Variants in SMCO2 observed in about 807,000 individuals in gnomAD.
SMCO2 encodes the protein single-pass membrane and coiled-coil domain-containing protein 2.
A neutral mutation model predicts 29.5 loss-of-function variants in SMCO2; 25 were observed. That is an observed-to-expected ratio of 0.85 (90% CI 0.62 to 1.18). The LOEUF (loss-of-function observed/expected upper bound fraction) is 1.18, where lower values mean the gene tolerates loss of function less well. Among genes scored for constraint, SMCO2 ranks in the 50% most tolerant of loss-of-function variants. The probability of loss-of-function intolerance (pLI) is 0.00; values close to 1 mark genes in which losing one functional copy is unlikely to be tolerated. For synonymous variants in SMCO2, 117 were observed against 123.3 expected, an observed-to-expected ratio of 0.95 and a Z score of 0.34; for missense variants, 348 against 344.5, an observed-to-expected ratio of 1.01 and a Z score of -0.08.
At chr12:27,447,185 A>G in the SMCO2 span, among the ~76,000 whole-genome samples, 1 of 152,040 alleles carries the variant, frequency 6.6e-6, no homozygotes, top group Admixed American at 6.6e-5. Flanking sequence ...GCCCTGTATG[A>G]TGGGTTTCCA....
Position 27,491,562 on chromosome 12 carries a change from C to T in SMCO2, c.451-2738C>T, listed in dbSNP as rs185727521. Among the ~76,000 whole-genome samples, 7 of 152,244 alleles carry T rather than the reference C, an allele frequency of 4.6e-5. No individual in the cohort carries two copies. In the East Asian group the frequency reaches 1.3e-3, roughly 29 times the overall value. On this transcript the variant is annotated intron_variant, in intron 5 of 7. Transcript: ENST00000298876. Reference sequence around the variant, plus strand: ...ATAAACGTGTTAAAAAATAGCTATACTGTATATTCTCTAATTCACCTATAA... The same window carrying T: ...ATAAACGTGTTAAAAAATAGCTATATTGTATATTCTCTAATTCACCTATAA...
At chr12:27,457,074 C>G in the SMCO2 span, among the ~76,000 whole-genome samples, 1 of 152,078 alleles carries the variant, frequency 6.6e-6, no homozygotes, top group Non-Finnish European at 1.5e-5. Flanking sequence ...TTGTCTTTCA[C>G]GAAACTGGTC....
the SMCO2 span, among the ~76,000 whole-genome samples, chr12:27,460,460 AAAG>A: frequency 4.7e-4 from 72 of 152,336 alleles, no homozygotes; most frequent in African/African-American, 1.7e-3. Flanking sequence ...AAGCTAGTGA[AAAG>A]AAAATGTCAT....
At chr12:27,499,270 G>A (rs761271495) in intron 7 of SMCO2, among the ~76,000 whole-genome samples, 5 of 150,898 alleles carry the variant, frequency 3.3e-5, no homozygotes, top group Non-Finnish European at 5.9e-5. Context: ...AAAGAATGAT[G>A]TACTGATACA....
chr12:27,456,463 G>A, the SMCO2 span, among the ~76,000 whole-genome samples: 1 of 152,068 alleles, frequency 6.6e-6, no homozygotes, highest in Non-Finnish European at 1.5e-5. Context: ...TCGGCAGAGG[G>A]GGGAGGAATG....
chr12:27,494,361 G>C lies in SMCO2; in HGVS notation c.507+5G>C. 6.6e-7 allele frequency: 1 copy of C among 1,516,896 alleles called. No individual in the cohort carries two copies. Among genetic ancestry groups the C allele is most frequent in the African/African-American group, 1.4e-5 (1 of 71,194 alleles). 94.0% of individuals were successfully genotyped at this position (1,516,896 alleles called of 1,614,324 possible). A position where few individuals can be genotyped will look rare whatever the true frequency, so the allele number is the denominator to read the frequency against. Reference sequence around the variant, plus strand: ...AAAGTCATAGAAAGGCTGGAGGTAAGATTTCAGTTACACAATTCAAACAAT... The same window carrying C: ...AAAGTCATAGAAAGGCTGGAGGTAACATTTCAGTTACACAATTCAAACAAT... On this transcript the variant is annotated splice_donor_5th_base_variant and intron_variant, in intron 6 of 7. Coordinates refer to ENST00000298876, the Ensembl canonical transcript of SMCO2.
chr12:27,483,359 G>C (rs1187137338), intron 4 of SMCO2, among the ~76,000 whole-genome samples: 1 of 152,074 alleles, frequency 6.6e-6, no homozygotes, highest in Non-Finnish European at 1.5e-5. Flanking sequence ...TGTTAGGACT[G>C]TTATGTCTTT....
chr12:27,481,758 A>G (rs1949645142), intron 4 of SMCO2, among the ~76,000 whole-genome samples: 2 of 152,346 alleles, frequency 1.3e-5, no homozygotes, highest in East Asian at 3.9e-4. Context: ...TGCCCATTTT[A>G]TCAAAGTTGT....
At chr12:27,488,627 G>A (rs1192010233) in intron 5 of SMCO2, 80 bp downstream of exon 6, 2 of 1,048,124 alleles carry the variant, frequency 1.9e-6, no homozygotes, top group African/African-American at 3.4e-5. Context: ...ATTGTTAATA[G>A]GCAATAACAA....
the SMCO2 span, among the ~76,000 whole-genome samples, chr12:27,443,580 CT>C: frequency 6.6e-6 from 1 of 152,134 alleles, no homozygotes. Context: ...TCAAATGAGC[CT>C]TGTTTGCACA....
At chr12:27,498,579 T>A in intron 7 of SMCO2, 2 of 234,658 alleles carry the variant, frequency 8.5e-6, no homozygotes. Context: ...ATAAAACCTG[T>A]CCAAAGGATG....
intron 4 of SMCO2, among the ~76,000 whole-genome samples, chr12:27,482,426 G>A (rs1320258680): frequency 8.5e-5 from 13 of 152,134 alleles, no homozygotes; most frequent in African/African-American, 2.7e-4. Flanking sequence ...TCAGCCTCTC[G>A]AGCAGCTGGG....
the SMCO2 span, among the ~76,000 whole-genome samples, chr12:27,442,993 A>G: frequency 4.6e-5 from 7 of 152,242 alleles, no homozygotes; most frequent in Admixed American, 1.3e-4. Flanking sequence ...TGAAGAGGAC[A>G]TTCTTCCAAA....
At chr12:27,434,916 A>G in the SMCO2 span, among the ~76,000 whole-genome samples, 1 of 152,136 alleles carries the variant, frequency 6.6e-6, no homozygotes, top group Non-Finnish European at 1.5e-5. Context: ...ACCTGCTACC[A>G]GGCCATGGAA....
At chr12:27,439,692 T>C in the SMCO2 span, among the ~76,000 whole-genome samples, 1 of 151,928 alleles carries the variant, frequency 6.6e-6, no homozygotes, top group Non-Finnish European at 1.5e-5. Flanking sequence ...AACTGAGAAA[T>C]ACATTTGCTG....
chr12:27,427,527 C>A, the SMCO2 span, among the ~76,000 whole-genome samples: 1 of 152,156 alleles, frequency 6.6e-6, no homozygotes, highest in Non-Finnish European at 1.5e-5. Context: ...GCCTACCCTA[C>A]TGCTTATTTT....
chr12:27,472,779 G>T (rs1227537187), exon 3 of SMCO2: 1 of 1,550,142 alleles, frequency 6.5e-7, no homozygotes, highest in East Asian at 2.4e-5. Flanking sequence ...CTTGCAGTTT[G>T]CTAAAGGAAA....
chr12:27,502,125 T>C (rs1943088533), exon 8 of SMCO2: 1 of 1,513,200 alleles, frequency 6.6e-7, no homozygotes, highest in East Asian at 2.5e-5. Flanking sequence ...CTCCTAAAGA[T>C]ACAGAAGTTA....
chr12:27,501,331 A>G lies in SMCO2; in HGVS notation c.684-592A>G, dbSNP rs549429154. Among the ~76,000 whole-genome samples, 53 of 145,714 alleles carry G rather than the reference A, an allele frequency of 3.6e-4. 4 individuals carry two copies. The highest frequency in any genetic ancestry group is 1.2e-3 in the African/African-American group (47 of 38,280). On this transcript the variant is annotated intron_variant, in intron 7 of 7. Transcript: ENST00000298876. ...CTCGGGAGGCTGAGGCAGGAGAATGACATGAACCCAAGAGGCAGAGCTTGC... is the reference window on the plus strand; with the variant it reads ...CTCGGGAGGCTGAGGCAGGAGAATGGCATGAACCCAAGAGGCAGAGCTTGC...
Sources: allele counts gnomAD v4.1 joint callset (sites outside exome capture counted in the v4.1 genomes callset), GRCh38; gene constraint gnomAD v4.1.1; transcripts MANE v1.5; gene names NCBI Gene and HGNC (gene_info 2026-07-23, HGNC 2026-07-21).